The following PRR16 variants were observed in gnomAD, a reference collection of about 807,000 sequenced individuals.
PRR16 encodes the protein proline rich 16, also known as protein Largen.
PRR16 carries 6 observed loss-of-function variants against 18.2 expected under a neutral mutation model. That is an observed-to-expected ratio of 0.33 (90% CI 0.18 to 0.65). The LOEUF (loss-of-function observed/expected upper bound fraction) is 0.65, where lower values mean the gene tolerates loss of function less well. PRR16 is among the 30% of genes least tolerant of loss of function. The pLI is 0.74. For missense variants in PRR16, 412 were observed against 376.6 expected (o/e 1.09, Z -0.78); for synonymous variants, 151 against 147.8 (o/e 1.02, Z -0.16).
In PRR16 at chr5:120,646,048, T is replaced by TTTTATATA. The variant is rs748781292; in HGVS notation, c.160-39905_160-39904insTTATATAT. Among the ~76,000 whole-genome samples the TTTTATATA allele has an allele frequency of 1.9e-4, 20 of 104,996 alleles. No homozygotes were observed. The East Asian group carries it at 2.7e-3, about 14-fold the overall frequency. 68.9% of individuals were successfully genotyped at this position (104,996 alleles called of 152,430 possible). A position where few individuals can be genotyped will look rare whatever the true frequency, so the allele number is the denominator to read the frequency against. ...CAAATTACAAAAAAAAATACATATT[T>TTTTATATA]TATATATATATATATATATATATAT... On this transcript the variant is annotated intron_variant, in intron 1 of 1. Coordinates refer to ENST00000407149, the MANE Select transcript of PRR16 (RefSeq NM_001300783.2).
chr5:120,769,876 C>G, the PRR16 span, among the ~76,000 whole-genome samples: 74,661 of 151,624 alleles, frequency 0.49, 19,506 homozygotes, highest in East Asian at 0.79. Context: ...CACTTGTTTT[C>G]TTTTGATTTT....
chr5:120,491,227 T>C (rs987042119), intron 1 of PRR16, among the ~76,000 whole-genome samples: 7 of 152,110 alleles, frequency 4.6e-5, no homozygotes, highest in Non-Finnish European at 1.0e-4. Flanking sequence ...TTCCCTGGTG[T>C]TACACTGAAT....
chr5:120,489,598 C>T (rs544903072), intron 1 of PRR16, among the ~76,000 whole-genome samples: 48 of 152,228 alleles, frequency 3.2e-4, no homozygotes, highest in African/African-American at 1.1e-3. Flanking sequence ...GGTCTTGACT[C>T]TTTATCCAGT....
At chr5:120,701,180 T>G in the PRR16 span, among the ~76,000 whole-genome samples, 1 of 152,034 alleles carries the variant, frequency 6.6e-6, no homozygotes, top group Non-Finnish European at 1.5e-5. Context: ...ATTGCAACTT[T>G]TTTCTATTAT....
intron 1 of PRR16, among the ~76,000 whole-genome samples, chr5:120,630,551 T>C (rs941543408): frequency 4.4e-5 from 6 of 136,066 alleles, no homozygotes; most frequent in Admixed American, 8.0e-5. Context: ...TAGGTAAAGT[T>C]TTTTAAATGT....
intron 1 of PRR16, among the ~76,000 whole-genome samples, chr5:120,500,223 C>T (rs72788223): frequency 6.6e-6 from 1 of 152,228 alleles, no homozygotes; most frequent in South Asian, 2.1e-4. Context: ...TTTTCTCAAG[C>T]CTTATGATAT....
intron 1 of PRR16, among the ~76,000 whole-genome samples, chr5:120,548,242 C>T (rs904044603): frequency 6.6e-6 from 1 of 152,096 alleles, no homozygotes; most frequent in Non-Finnish European, 1.5e-5. Context: ...AATATATTCA[C>T]TTTCTTGATA....
chr5:120,722,922 T>C, the PRR16 span, among the ~76,000 whole-genome samples: 1 of 151,492 alleles, frequency 6.6e-6, no homozygotes, highest in Non-Finnish European at 1.5e-5. Flanking sequence ...TATCTATCTC[T>C]ATATTTACAT....
chr5:120,725,495 C>A, the PRR16 span, among the ~76,000 whole-genome samples: 1 of 151,638 alleles, frequency 6.6e-6, no homozygotes. Flanking sequence ...CATCTCCGCA[C>A]AAAATTAAAA....
intron 1 of PRR16, among the ~76,000 whole-genome samples, chr5:120,651,092 T>G (rs2150131478): frequency 6.6e-6 from 1 of 152,338 alleles, no homozygotes; most frequent in Admixed American, 6.5e-5. Flanking sequence ...TGATGAGCAT[T>G]TTTTCATGTG....
chr5:120,467,651 A>G (rs902299387), intron 1 of PRR16, among the ~76,000 whole-genome samples: 3 of 152,144 alleles, frequency 2.0e-5, no homozygotes, highest in Non-Finnish European at 4.4e-5. Flanking sequence ...CTGCTCAGCA[A>G]GAAGAGTTGT....
At chr5:120,692,649 G>A in the PRR16 span, among the ~76,000 whole-genome samples, 4 of 152,112 alleles carry the variant, frequency 2.6e-5, no homozygotes, top group Non-Finnish European at 4.4e-5. Context: ...TAATTTTTTA[G>A]TGTTTGAATA....
the PRR16 span, among the ~76,000 whole-genome samples, chr5:120,765,201 CAGAAAAT>C: frequency 6.6e-6 from 1 of 151,872 alleles, no homozygotes; most frequent in African/African-American, 2.4e-5. Flanking sequence ...ATTGCATGAC[CAGAAAAT>C]AATCTGTGAA....
chr5:120,727,276 T>C, the PRR16 span, among the ~76,000 whole-genome samples: 1 of 152,138 alleles, frequency 6.6e-6, no homozygotes, highest in Non-Finnish European at 1.5e-5. Context: ...TTTTCTGGGA[T>C]AATCCTTTCT....
chr5:120,772,308 C>A, the PRR16 span, among the ~76,000 whole-genome samples: 1 of 152,012 alleles, frequency 6.6e-6, no homozygotes, highest in Non-Finnish European at 1.5e-5. Context: ...AACTCCAAAA[C>A]CCTCCTGAAT....
chr5:120,741,121 A>T, the PRR16 span, among the ~76,000 whole-genome samples: 6 of 152,066 alleles, frequency 3.9e-5, no homozygotes, highest in East Asian at 9.6e-4. Flanking sequence ...GCATATTTTA[A>T]ATTAAAAATT....
At chr5:120,605,024 G>A (rs1315502368) in intron 1 of PRR16, among the ~76,000 whole-genome samples, 1 of 152,108 alleles carries the variant, frequency 6.6e-6, no homozygotes, top group Non-Finnish European at 1.5e-5. Context: ...GCATTGGAAT[G>A]GTTGTCTTGT....
chr5:120,542,987 A>G (rs1475804830), intron 1 of PRR16, among the ~76,000 whole-genome samples: 1 of 152,172 alleles, frequency 6.6e-6, no homozygotes, highest in African/African-American at 2.4e-5. Flanking sequence ...TGAAGATTCT[A>G]AGTTTTAGAA....
chr5:120,728,842 C>T, the PRR16 span, among the ~76,000 whole-genome samples: 1 of 152,102 alleles, frequency 6.6e-6, no homozygotes, highest in African/African-American at 2.4e-5. Context: ...AAGCCTGCAT[C>T]TATTATTTGA....
Sources: allele counts gnomAD v4.1 joint callset (sites outside exome capture counted in the v4.1 genomes callset), GRCh38; gene constraint gnomAD v4.1.1; transcripts MANE v1.5; gene names NCBI Gene and HGNC (gene_info 2026-07-23, HGNC 2026-07-21).